ARID2: variants seen among roughly 807,000 people sequenced by gnomAD.
The protein encoded by ARID2 is AT-rich interaction domain 2.
In ARID2, 32 loss-of-function variants were observed where a neutral mutation model predicts 184.6. That is an observed-to-expected ratio of 0.17 (90% CI 0.13 to 0.23). The LOEUF is 0.23. Ranked by LOEUF, ARID2 falls within the 10% of genes least tolerant of loss-of-function variation. ARID2 has a pLI of 1.00. For synonymous variants in ARID2, 836 were observed against 772.6 expected (o/e 1.08, Z -1.36); for missense variants, 1,696 against 2,197.6 (o/e 0.77, Z 4.56).
chr12:45,841,329 G>T (rs1267753758), intron 11 of ARID2: 2 of 152,156 alleles, frequency 1.3e-5, no homozygotes, highest in African/African-American at 2.4e-5. Context: ...TAAACATTGA[G>T]AATTTGTGGC....
At chr12:45,810,684 C>T (rs1388631731) in intron 3 of ARID2, among the ~76,000 whole-genome samples, 1 of 152,078 alleles carries the variant, frequency 6.6e-6, no homozygotes, top group Non-Finnish European at 1.5e-5. Flanking sequence ...AGAAAATATA[C>T]TCAGGTTTGC....
chr12:45,739,796 A>G (rs549919445), intron 3 of ARID2, among the ~76,000 whole-genome samples: 1 of 152,334 alleles, frequency 6.6e-6, no homozygotes, highest in East Asian at 1.9e-4. Flanking sequence ...ATAAACATAC[A>G]TGAGATCAGT....
intron 3 of ARID2, among the ~76,000 whole-genome samples, chr12:45,786,591 A>G (rs1047056744): frequency 6.6e-6 from 1 of 152,214 alleles, no homozygotes; most frequent in Non-Finnish European, 1.5e-5. Flanking sequence ...GTTCCTCAAA[A>G]AATTGAAAAT....
chr12:45,798,943 T>C (rs1421025821), intron 3 of ARID2, among the ~76,000 whole-genome samples: 8 of 151,550 alleles, frequency 5.3e-5, no homozygotes, highest in Non-Finnish European at 1.2e-4. Context: ...AGTATAATTA[T>C]ATACTTATAA....
chr12:45,738,835 C>T (rs1245169113), intron 3 of ARID2, among the ~76,000 whole-genome samples: 3 of 117,308 alleles, frequency 2.6e-5, no homozygotes, highest in Admixed American at 1.2e-4. Flanking sequence ...TTATATCCAA[C>T]TCCCAGCCTT....
intron 3 of ARID2, among the ~76,000 whole-genome samples, chr12:45,794,685 T>G (rs977268497): frequency 6.6e-6 from 1 of 152,222 alleles, no homozygotes; most frequent in African/African-American, 2.4e-5. Context: ...GCATTCGTCT[T>G]GCGTACTTTA....
At chr12:45,792,010 C>T (rs190006260) in intron 3 of ARID2, among the ~76,000 whole-genome samples, 500 of 152,154 alleles carry the variant, frequency 3.3e-3, no homozygotes, top group African/African-American at 0.012. Flanking sequence ...CAATTTTATT[C>T]GTGTTTTCTG....
chr12:45,738,994 G>A (rs1941189102), intron 3 of ARID2, among the ~76,000 whole-genome samples: 1 of 151,356 alleles, frequency 6.6e-6, no homozygotes, highest in South Asian at 2.1e-4. Flanking sequence ...TTTTGAGACA[G>A]TTTCGCTCTT....
chr12:45,882,933 A>G (rs1223803130), intron 16 of ARID2, among the ~76,000 whole-genome samples: 1 of 152,196 alleles, frequency 6.6e-6, no homozygotes, highest in East Asian at 1.9e-4. Context: ...CTTGATTCTA[A>G]AGTCATCAGT....
chr12:45,762,947 A>G (rs962080664), intron 3 of ARID2, among the ~76,000 whole-genome samples: 1 of 152,226 alleles, frequency 6.6e-6, no homozygotes, highest in Non-Finnish European at 1.5e-5. Flanking sequence ...TGATAGAAAT[A>G]TAACTGACTT....
In ARID2 at chr12:45,763,353, C is replaced by A. The variant is rs184150038; in HGVS notation, c.284+32039C>A. 1.7e-3 allele frequency among the ~76,000 whole-genome samples: 265 copies of A among 152,000 alleles called. 2 individuals carry two copies. The highest frequency in any genetic ancestry group is 6.0e-3 in the African/African-American group (248 of 41,440). The stretch of plus-strand genomic sequence containing the variant: ...GGCGTGGAGGCAGGCACCTGTAATC[C>A]CAGCTACCGGGGAGGTGGAGGCAGG... On this transcript the variant is annotated intron_variant, in intron 3 of 20. Transcript: ENST00000334344.
At chr12:45,732,070 C>T (rs550191871) in intron 3 of ARID2, among the ~76,000 whole-genome samples, 4 of 148,708 alleles carry the variant, frequency 2.7e-5, no homozygotes, top group Non-Finnish European at 4.5e-5. Flanking sequence ...TGTGATTTAG[C>T]GTTTTTTTTT....
intron 6 of ARID2, among the ~76,000 whole-genome samples, chr12:45,828,860 A>G (rs1943055309): frequency 6.6e-6 from 1 of 151,570 alleles, no homozygotes; most frequent in Non-Finnish European, 1.5e-5. Context: ...TGTTGGAAAT[A>G]TTTTCTCTCT....
At position 45,852,604 on chromosome 12, in the gene ARID2, C is replaced by T. The variant is rs1565624993; in HGVS notation, c.4481C>T (p.Ser1494Phe). The T allele has an allele frequency of 1.2e-6, 2 of 1,614,032 alleles. No individual in the cohort carries two copies. Among genetic ancestry groups the T allele is most frequent in the Admixed American group, 1.7e-5 (1 of 59,988 alleles). ...GTTCCCGACTCAGGATCAAAAGTATCCCATTCTCCTGCCCTATCATCTGAC... is the reference window on the plus strand; with the variant it reads ...GTTCCCGACTCAGGATCAAAAGTATTCCATTCTCCTGCCCTATCATCTGAC... The part of the protein sequence containing the change: ...IAVPDSGSKV[S>F]HSPALSSDVR... Residue 1494 changes from serine to phenylalanine, a missense_variant, in exon 15 of 21, where the codon TCC becomes TTC. Ser to Phe is a radical substitution (Grantham distance 155, BLOSUM62 -2). Transcript: ENST00000334344.
chr12:45,814,992 A>G (rs1428828384), intron 4 of ARID2, among the ~76,000 whole-genome samples: 1 of 152,186 alleles, frequency 6.6e-6, no homozygotes, highest in East Asian at 1.9e-4. Context: ...CATAATTGTT[A>G]TGTTTATCTT....
chr12:45,747,653 A>C (rs1323614241), intron 3 of ARID2, among the ~76,000 whole-genome samples: 1 of 152,224 alleles, frequency 6.6e-6, no homozygotes, highest in African/African-American at 2.4e-5. Context: ...TTACAGAATT[A>C]ATAGTATAGC....
intron 3 of ARID2, among the ~76,000 whole-genome samples, chr12:45,762,918 A>G (rs7964495): frequency 0.094 from 14,286 of 152,238 alleles, 2,289 homozygotes; most frequent in African/African-American, 0.32. Flanking sequence ...TGGTTACAGT[A>G]TATTTAAAAA....
intron 3 of ARID2, among the ~76,000 whole-genome samples, chr12:45,807,656 C>A (rs1193424348): frequency 6.6e-6 from 1 of 152,034 alleles, no homozygotes; most frequent in African/African-American, 2.4e-5. Context: ...AAAAAAATTT[C>A]TTGAATTGCA....
chr12:45,817,098 T>C (rs1942816612), intron 4 of ARID2, among the ~76,000 whole-genome samples: 1 of 151,214 alleles, frequency 6.6e-6, no homozygotes, highest in Non-Finnish European at 1.5e-5. Context: ...GGCTCATGCA[T>C]GTAATGCAGC....
Sources: gnomAD v4.1 joint callset for allele counts (sites outside exome capture counted in the v4.1 genomes callset) on GRCh38, gnomAD v4.1.1 for gene constraint, MANE v1.5 for transcripts, NCBI Gene and HGNC (gene_info 2026-07-23, HGNC 2026-07-21) for gene names.